The following TTLL5 variants were observed in gnomAD, a reference collection of about 807,000 sequenced individuals.
The protein encoded by TTLL5 is tubulin tyrosine ligase like 5.
In TTLL5, 132 loss-of-function variants were observed where a neutral mutation model predicts 168.4. The ratio of observed to expected loss-of-function variants is 0.78; its 90% CI spans 0.68 to 0.91. The LOEUF (loss-of-function observed/expected upper bound fraction) is 0.91. Among genes scored for constraint, TTLL5 ranks in the 40% least tolerant of loss-of-function variants. TTLL5 has a pLI of 0.00. For synonymous variants in TTLL5, 546 were observed against 558.6 expected (o/e 0.98, Z 0.32); for missense variants, 1,545 against 1,581.5 (o/e 0.98, Z 0.39).
chr14:75,794,038 G>A (rs1439959678), intron 27 of TTLL5, among the ~76,000 whole-genome samples: 1 of 152,156 alleles, frequency 6.6e-6, no homozygotes, highest in African/African-American at 2.4e-5. Flanking sequence ...CTACTTATCT[G>A]TATAAAATTT....
chr14:75,788,012 T>C (rs2140340860), intron 26 of TTLL5, among the ~76,000 whole-genome samples: 1 of 152,266 alleles, frequency 6.6e-6, no homozygotes, highest in South Asian at 2.1e-4. Context: ...TAAATAATTA[T>C]AGTTGGTGTG....
At chr14:75,839,586 C>T (rs1711934357) in intron 28 of TTLL5, among the ~76,000 whole-genome samples, 1 of 152,198 alleles carries the variant, frequency 6.6e-6, no homozygotes, top group African/African-American at 2.4e-5. Context: ...AGGGGAAATG[C>T]CAGATGCTTA....
At chr14:75,932,989 T>G (rs1275631647) in intron 31 of TTLL5, among the ~76,000 whole-genome samples, 1 of 152,242 alleles carries the variant, frequency 6.6e-6, no homozygotes, top group Admixed American at 6.5e-5. Context: ...TAGCAAAGTT[T>G]GAAGCAAAGA....
chr14:75,881,067 C>T (rs891686404), intron 29 of TTLL5, among the ~76,000 whole-genome samples: 2 of 152,174 alleles, frequency 1.3e-5, no homozygotes, highest in African/African-American at 4.8e-5. Flanking sequence ...GCAGGCACCA[C>T]CACGTCTAGC....
intron 28 of TTLL5, among the ~76,000 whole-genome samples, chr14:75,828,773 TAA>T (rs963158390): frequency 2.0e-5 from 3 of 152,240 alleles, no homozygotes; most frequent in Non-Finnish European, 4.4e-5. Flanking sequence ...ATTTGAAATA[TAA>T]GCTTCAAAAA....
chr14:75,920,570 A>G (rs1005989922), intron 31 of TTLL5, among the ~76,000 whole-genome samples: 1 of 152,216 alleles, frequency 6.6e-6, no homozygotes, highest in African/African-American at 2.4e-5. Context: ...CCTGCAAAGG[A>G]CATGAACTCA....
intron 31 of TTLL5, among the ~76,000 whole-genome samples, chr14:75,947,939 CAA>C (rs11410342): frequency 7.0e-6 from 1 of 143,180 alleles, no homozygotes. Context: ...GACCCTGTCT[CAA>C]AAAAAAAAAA....
At chr14:75,702,216 C>G (rs1886321544) in intron 7 of TTLL5, among the ~76,000 whole-genome samples, 1 of 152,240 alleles carries the variant, frequency 6.6e-6, no homozygotes. Flanking sequence ...CTAGGCCACT[C>G]TGGAGGCCTT....
chr14:75,860,858 G>A (rs941963041), intron 28 of TTLL5, among the ~76,000 whole-genome samples: 1 of 151,982 alleles, frequency 6.6e-6, no homozygotes, highest in Admixed American at 6.6e-5. Context: ...AGAGATAATA[G>A]GTTCCTCAGG....
chr14:75,863,897 C>G, intron 29 of TTLL5, 35 bp downstream of exon 29: 1 of 290,636 alleles, frequency 3.4e-6, no homozygotes, highest in Non-Finnish European at 6.2e-6. Flanking sequence ...TGTGTTATAT[C>G]TTCCTGCTGT....
intron 15 of TTLL5, chr14:75,737,547 A>C: frequency 1.3e-6 from 2 of 1,534,202 alleles, no homozygotes; most frequent in African/African-American, 1.4e-5. Context: ...GGTTTATTCC[A>C]TTTTTCTGTC....
chr14:75,924,471 G>T (rs2033938638), intron 31 of TTLL5, among the ~76,000 whole-genome samples: 1 of 151,692 alleles, frequency 6.6e-6, no homozygotes, highest in Non-Finnish European at 1.5e-5. Context: ...TGAGATTAGG[G>T]AGTGGTGATG....
rs747228170 is a variant in TTLL5 at position 75,793,076 on chromosome 14, C to T, written c.3147C>T (p.Ser1049=). 12 of 1,612,086 alleles carry T rather than the reference C, an allele frequency of 7.4e-6. No homozygotes were observed. Among genetic ancestry groups the T allele is most frequent in the Non-Finnish European group, 9.3e-6 (11 of 1,178,806 alleles). Residue 1049 remains serine, a synonymous_variant, in exon 27 of 32, where the codon AGC becomes AGT. Coordinates refer to ENST00000298832, the MANE Select transcript of TTLL5 (RefSeq NM_015072.5). ...KQAARQYSPS[S]HINLLTQQVT... is the part of the protein sequence containing the mutation. ...CAGCGAGACAGTATTCTCCATCCAGCCACATCAACCTCCTCACCCAACAGG... is the reference window on the plus strand; with the variant it reads ...CAGCGAGACAGTATTCTCCATCCAGTCACATCAACCTCCTCACCCAACAGG...
intron 31 of TTLL5, among the ~76,000 whole-genome samples, chr14:75,903,534 A>T (rs752245839): frequency 1.6e-4 from 25 of 151,960 alleles, no homozygotes; most frequent in Admixed American, 8.5e-4. Context: ...GCCATCGAGG[A>T]GTTTTAAGCA....
At chr14:75,756,278 T>A (rs1304418082) in intron 18 of TTLL5, among the ~76,000 whole-genome samples, 1 of 152,160 alleles carries the variant, frequency 6.6e-6, no homozygotes, top group East Asian at 1.9e-4. Flanking sequence ...AATCAAAACA[T>A]GTTATGTGAC....
chr14:75,799,846 A>G (rs533796497), intron 27 of TTLL5, among the ~76,000 whole-genome samples: 1 of 152,294 alleles, frequency 6.6e-6, no homozygotes, highest in South Asian at 2.1e-4. Flanking sequence ...GTGTTAATCT[A>G]ATAGGTTTTC....
chr14:75,835,754 T>C (rs1248767187), intron 28 of TTLL5, among the ~76,000 whole-genome samples: 1 of 152,216 alleles, frequency 6.6e-6, no homozygotes, highest in African/African-American at 2.4e-5. Flanking sequence ...CAGACATTTG[T>C]CAAAAGAAGG....
At chr14:75,760,938 A>G (rs1204980550) in intron 18 of TTLL5, among the ~76,000 whole-genome samples, 1 of 152,162 alleles carries the variant, frequency 6.6e-6, no homozygotes, top group African/African-American at 2.4e-5. Context: ...ACTGTTAGGA[A>G]AATGATTTGG....
chr14:75,702,014 G>T (rs1886309154), intron 7 of TTLL5, among the ~76,000 whole-genome samples: 1 of 152,208 alleles, frequency 6.6e-6, no homozygotes, highest in African/African-American at 2.4e-5. Context: ...ACATTGAGCT[G>T]TTTGCCATAT....
Sources: gnomAD v4.1 joint callset for allele counts (sites outside exome capture counted in the v4.1 genomes callset) on GRCh38, gnomAD v4.1.1 for gene constraint, MANE v1.5 for transcripts, NCBI Gene and HGNC (gene_info 2026-07-23, HGNC 2026-07-21) for gene names.